The following ATF3 variants were observed in gnomAD, a reference collection of about 807,000 sequenced individuals.
The protein encoded by ATF3 is activating transcription factor 3.
In ATF3, 10 loss-of-function variants were observed where a neutral mutation model predicts 18.4. The ratio of observed to expected loss-of-function variants is 0.54; its 90% CI spans 0.34 to 0.92. ATF3 has a LOEUF of 0.92. Among genes scored for constraint, ATF3 ranks in the 40% least tolerant of loss-of-function variants. The pLI, the probability that ATF3 is intolerant of heterozygous loss-of-function variation, is 0.02. For missense variants in ATF3, 183 were observed against 222.3 expected, an observed-to-expected ratio of 0.82 and a Z score of 1.12; for synonymous variants, 78 against 87.9, an observed-to-expected ratio of 0.89 and a Z score of 0.63.
At chr1:212,595,387 C>T (rs1043719193) in intron 1 of ATF3, among the ~76,000 whole-genome samples, 3 of 152,192 alleles carry the variant, frequency 2.0e-5, no homozygotes, top group East Asian at 1.9e-4. Context: ...AGGCTACAGC[C>T]CCCTGCCTTC....
chr1:212,568,562 A>G (rs961370192), intron 1 of ATF3, among the ~76,000 whole-genome samples: 1 of 152,164 alleles, frequency 6.6e-6, no homozygotes, highest in Admixed American at 6.5e-5. Flanking sequence ...GCTTACTTCA[A>G]GTAGTAAATT....
chr1:212,578,688 A>AT, intron 1 of ATF3, among the ~76,000 whole-genome samples: 1 of 152,054 alleles, frequency 6.6e-6, no homozygotes, highest in Non-Finnish European at 1.5e-5. Context: ...TTCTTCATGT[A>AT]TTTTGAAAGC....
chr1:212,614,922 G>A, intron 1 of ATF3, 96 bp from the exon 2 acceptor site: 1 of 1,607,622 alleles, frequency 6.2e-7, no homozygotes, highest in South Asian at 1.1e-5. Flanking sequence ...TTTCTCTGAG[G>A]GTGGGGCTCT....
intron 1 of ATF3, among the ~76,000 whole-genome samples, chr1:212,594,369 C>T (rs1664950176): frequency 6.6e-6 from 1 of 151,760 alleles, no homozygotes. Flanking sequence ...TAACTTATTT[C>T]TAAAAAGTAA....
intron 1 of ATF3, among the ~76,000 whole-genome samples, chr1:212,610,816 G>T (rs11571523): frequency 6.6e-6 from 1 of 152,162 alleles, no homozygotes. Context: ...CCCTTGAGGC[G>T]GTCGATACCT....
intron 1 of ATF3, among the ~76,000 whole-genome samples, chr1:212,591,128 C>T (rs4951621): frequency 0.27 from 40,653 of 151,972 alleles, 6,022 homozygotes; most frequent in African/African-American, 0.41. Flanking sequence ...ATACATACTC[C>T]TTTATGCTTC....
In ATF3 at chr1:212,615,150, AGAGCT is replaced by A. The variant is rs1247965027; in HGVS notation, c.133_137del (p.Leu45ValfsTer38). The A allele has an allele frequency of 1.2e-6, 2 of 1,614,184 alleles. No individual in the cohort carries two copies. The highest frequency in any genetic ancestry group is 3.3e-5 in the Admixed American group (2 of 60,024). On this transcript the variant is annotated frameshift_variant, in exon 2 of 4. Transcript: ENST00000341491. LOFTEE classifies it high-confidence loss of function. ...CTAACCTGACGCCCTTTGTCAAGGA[AGAGCT>A]GAGGTTTGCCATCCAGAACAAGCAC... is the stretch of plus-strand genomic sequence containing the variant.
At chr1:212,585,217 G>A (rs1343141021) in intron 1 of ATF3, among the ~76,000 whole-genome samples, 1 of 152,194 alleles carries the variant, frequency 6.6e-6, no homozygotes, top group East Asian at 1.9e-4. Context: ...GTGTGTGGCA[G>A]CTCTGGGGCT....
intron 1 of ATF3, among the ~76,000 whole-genome samples, chr1:212,612,873 C>T (rs1372393938): frequency 6.6e-6 from 1 of 152,204 alleles, no homozygotes; most frequent in Non-Finnish European, 1.5e-5. Flanking sequence ...TGTCAGAGAG[C>T]CAGCCCTGGG....
chr1:212,569,811 T>G (rs997654317), intron 1 of ATF3, among the ~76,000 whole-genome samples: 1 of 152,194 alleles, frequency 6.6e-6, no homozygotes, highest in African/African-American at 2.4e-5. Flanking sequence ...AGTACTGTAA[T>G]AAACATTATT....
chr1:212,599,754 T>C (rs1022500146), intron 1 of ATF3, among the ~76,000 whole-genome samples: 5 of 152,196 alleles, frequency 3.3e-5, no homozygotes. Flanking sequence ...CTCTATAACA[T>C]CTGAGATAGG....
chr1:212,571,519 T>A (rs1424561194), intron 1 of ATF3, among the ~76,000 whole-genome samples: 1 of 151,878 alleles, frequency 6.6e-6, no homozygotes, highest in Non-Finnish European at 1.5e-5. Flanking sequence ...GCAATGCTCC[T>A]GCTTCAGCCT....
intron 1 of ATF3, among the ~76,000 whole-genome samples, chr1:212,580,552 T>A (rs1664665513): frequency 6.6e-6 from 1 of 152,044 alleles, no homozygotes. Flanking sequence ...ATGATCCACC[T>A]GTTTTCACCT....
chr1:212,587,947 G>A (rs1328227698), intron 1 of ATF3, among the ~76,000 whole-genome samples: 2 of 151,882 alleles, frequency 1.3e-5, no homozygotes, highest in Non-Finnish European at 2.9e-5. Flanking sequence ...ACCTGCTGGG[G>A]CGGCGGGGGT....
intron 1 of ATF3, among the ~76,000 whole-genome samples, chr1:212,596,017 C>A (rs888303279): frequency 2.0e-5 from 3 of 152,268 alleles, no homozygotes; most frequent in Admixed American, 6.5e-5. Flanking sequence ...AAAATGAAAC[C>A]ACTAGCGCCT....
At chr1:212,586,919 A>G (rs796783415) in intron 1 of ATF3, among the ~76,000 whole-genome samples, 5 of 152,312 alleles carry the variant, frequency 3.3e-5, no homozygotes, top group African/African-American at 7.2e-5. Context: ...GGGAAAGTAC[A>G]ATGAGCAGCT....
upstream of ATF3, among the ~76,000 whole-genome samples, chr1:212,608,204 G>A (rs908934841): frequency 2.0e-5 from 3 of 152,234 alleles, no homozygotes; most frequent in Admixed American, 1.3e-4. Context: ...AGAAGTAGGA[G>A]GCCAGTGGGG....
intron 1 of ATF3, among the ~76,000 whole-genome samples, chr1:212,583,414 G>A (rs1237535580): frequency 1.2e-4 from 19 of 152,194 alleles, no homozygotes; most frequent in Admixed American, 1.2e-3. Flanking sequence ...GGCACACACA[G>A]CAGGTTTAAC....
intron 1 of ATF3, among the ~76,000 whole-genome samples, chr1:212,599,850 C>A (rs535612942): frequency 3.3e-5 from 5 of 152,286 alleles, no homozygotes; most frequent in Non-Finnish European, 7.4e-5. Context: ...CAAAATCATC[C>A]CCTCCTGTTC....
Sources: gnomAD v4.1 joint callset for allele counts (sites outside exome capture counted in the v4.1 genomes callset) on GRCh38, gnomAD v4.1.1 for gene constraint, MANE v1.5 for transcripts, NCBI Gene and HGNC (gene_info 2026-07-23, HGNC 2026-07-21) for gene names.